RICTOR: variants seen among roughly 807,000 people sequenced by gnomAD.
RICTOR encodes the protein rapamycin-insensitive companion of mTOR.
In RICTOR, 49 loss-of-function variants were observed where a neutral mutation model predicts 214.9. The ratio of observed to expected loss-of-function variants is 0.23; its 90% confidence interval spans 0.18 to 0.29. The LOEUF is 0.29. Among genes scored for constraint, RICTOR ranks in the 10% least tolerant of loss-of-function variants. RICTOR has a pLI of 1.00. For missense variants in RICTOR, 1,625 were observed against 2,047.0 expected (o/e 0.79, Z 3.98); for synonymous variants, 717 against 711.3 (o/e 1.01, Z -0.13).
intron 2 of RICTOR, among the ~76,000 whole-genome samples, chr5:39,063,145 G>A (rs534123471): frequency 1.8e-4 from 27 of 152,188 alleles, no homozygotes; most frequent in Admixed American, 9.2e-4. Context: ...CAAGACATAT[G>A]CACTACAAAA....
chr5:39,026,444 A>C (rs561308967), intron 2 of RICTOR, among the ~76,000 whole-genome samples: 210 of 152,296 alleles, frequency 1.4e-3, no homozygotes, highest in Non-Finnish European at 2.2e-3. Flanking sequence ...ATACAAAAGA[A>C]CTACTAGAAT....
chr5:39,067,373 A>T (rs1358565366), intron 2 of RICTOR, among the ~76,000 whole-genome samples: 2 of 152,126 alleles, frequency 1.3e-5, no homozygotes, highest in Non-Finnish European at 2.9e-5. Context: ...GCCATCAGGG[A>T]TCCATTCCCA....
intron 35 of RICTOR, 100 bp from the exon 36 acceptor site, chr5:38,944,669 A>T: frequency 9.3e-7 from 1 of 1,076,442 alleles, no homozygotes; most frequent in Non-Finnish European, 1.3e-6. Context: ...AGACCTAGAG[A>T]TCAATTACAC....
Position 38,945,567 on chromosome 5 carries a change from G to T in RICTOR, c.4557C>A (p.Asn1519Lys), listed in dbSNP as rs1378393303. The T allele has an allele frequency of 1.2e-6, 2 of 1,613,918 alleles. No homozygotes were observed. The highest frequency in any genetic ancestry group is 1.7e-6 in the Non-Finnish European group (2 of 1,179,924). Residue 1519 changes from asparagine (N) to lysine (K), a missense_variant, in exon 34 of 38, where the codon AAC (asparagine) becomes AAA (lysine). Coordinates refer to ENST00000357387, the MANE Select transcript of RICTOR (RefSeq NM_152756.5). Reference sequence around the variant, plus strand: ...TTTCAATACAGACACAATAAAGGCAGTTATCATCTGTATGTTCCTGTAGTC... The same window carrying T: ...TTTCAATACAGACACAATAAAGGCATTTATCATCTGTATGTTCCTGTAGTC... The part of the protein sequence containing the change: ...DTGLQEHTDD[N>K]CLYCVCIEIL...
At position 39,040,794 on chromosome 5, in the gene RICTOR, T is replaced by C. The variant is rs1395620088; in HGVS notation, c.98-19658A>G. ...GCAGTATTTCAATTTCTATGTTTTA[T>C]TCAGTTATAAATTTCAATGCTCCTC... On this transcript the variant is annotated intron_variant, in intron 2 of 37. Coordinates refer to ENST00000357387, the MANE Select transcript of RICTOR (RefSeq NM_152756.5). Among the ~76,000 whole-genome samples, 4 of 152,302 alleles carry C rather than the reference T, an allele frequency of 2.6e-5. No homozygotes were observed. The East Asian group carries it at 5.8e-4, about 22-fold the overall frequency.
At chr5:39,022,437 C>G (rs1005324281) in intron 2 of RICTOR, 3 of 156,808 alleles carry the variant, frequency 1.9e-5, no homozygotes, top group Non-Finnish European at 4.3e-5. Flanking sequence ...CCAGGTGCTG[C>G]CAGCGGTGTT....
Position 38,959,300 on chromosome 5 carries a change from C to A in RICTOR, c.2073G>T (p.Leu691Phe). The A allele has an allele frequency of 6.4e-7, 1 of 1,562,704 alleles. No homozygotes were observed. The highest frequency in any genetic ancestry group is 1.2e-5 in the South Asian group (1 of 83,580). Residue 691 changes from leucine to phenylalanine, a missense_variant, in exon 22 of 38, where the codon TTG becomes TTT. Physicochemically the swap from Leu to Phe is conservative, Grantham distance 22. This residue lies in a region of RICTOR where 1,214 missense variants were observed against 1,470.5 expected (regional missense o/e 0.83). Coordinates refer to ENST00000357387, the MANE Select transcript of RICTOR (RefSeq NM_152756.5). The part of the protein sequence containing the change: ...VFQCLLNLCS[L>F]KNQDHLLKLT... ...GTTTTAGCAAGTGATCTTGGTTTTT[C>A]AAGGAGCAAAGATTAAGGAGACTTA...
intron 6 of RICTOR, among the ~76,000 whole-genome samples, chr5:38,991,537 AATTAATTG>A (rs1355190801): frequency 1.9e-4 from 3 of 15,824 alleles, no homozygotes; most frequent in Non-Finnish European, 6.7e-4. Context: ...CTCCTCATGA[AATTAATTG>A]ATTAACTTGG....
intron 2 of RICTOR, among the ~76,000 whole-genome samples, chr5:39,021,856 T>C (rs1311167805): frequency 1.3e-5 from 2 of 152,206 alleles, no homozygotes; most frequent in East Asian, 1.9e-4. Context: ...AGCTGTTTGA[T>C]AGCATGGCTA....
chr5:39,067,623 C>G (rs139958510), intron 2 of RICTOR, among the ~76,000 whole-genome samples: 41 of 152,252 alleles, frequency 2.7e-4, no homozygotes, highest in African/African-American at 9.4e-4. Flanking sequence ...TCCCTTTTCT[C>G]AACATCTTAC....
At chr5:39,061,346 T>C (rs918820554) in intron 2 of RICTOR, among the ~76,000 whole-genome samples, 3 of 152,090 alleles carry the variant, frequency 2.0e-5, no homozygotes, top group East Asian at 3.8e-4. Context: ...TCAACAAACA[T>C]AGCTGCTCAA....
chr5:38,953,567 A>AG lies in RICTOR; in HGVS notation c.2698-15_2698-14insC. On this transcript the variant is annotated splice_polypyrimidine_tract_variant and intron_variant, in intron 27 of 37. Transcript: ENST00000357387. Reference sequence around the variant, plus strand: ...TGTAATAATATTCTGGAGAAAGAAAAAAAAATACCATGAGTAATAATATAT... The same window carrying AG: ...TGTAATAATATTCTGGAGAAAGAAAAGAAAAATACCATGAGTAATAATATAT... The AG allele has an allele frequency of 2.3e-6, 2 of 887,462 alleles. No individual in the cohort carries two copies. The highest frequency in any genetic ancestry group is 3.3e-6 in the Non-Finnish European group (2 of 600,310). 55.0% of individuals were successfully genotyped at this position (887,462 alleles called of 1,614,324 possible).
At chr5:38,946,238 T>C (rs1748174395) in intron 33 of RICTOR, among the ~76,000 whole-genome samples, 1 of 152,240 alleles carries the variant, frequency 6.6e-6, no homozygotes, top group African/African-American at 2.4e-5. Flanking sequence ...ATTTGGTTTC[T>C]ATTTCCTTGA....
At chr5:39,051,762 A>G (rs1345289756) in intron 2 of RICTOR, among the ~76,000 whole-genome samples, 4 of 151,654 alleles carry the variant, frequency 2.6e-5, no homozygotes, top group Non-Finnish European at 5.9e-5. Context: ...CAAAAAAAAA[A>G]GAATGTGATT....
chr5:39,002,759 C>T, intron 4 of RICTOR, 93 bp from the exon 5 acceptor site: 3 of 1,270,956 alleles, frequency 2.4e-6, no homozygotes, highest in South Asian at 3.0e-5. Context: ...CCAAAATATG[C>T]AAAAATTCTA....
At chr5:39,004,837 A>C (rs1392542195) in intron 3 of RICTOR, among the ~76,000 whole-genome samples, 3 of 140,188 alleles carry the variant, frequency 2.1e-5, no homozygotes, top group Non-Finnish European at 3.0e-5. Flanking sequence ...ACTGGAGCGC[A>C]ATGGTGCAAT....
intron 31 of RICTOR, among the ~76,000 whole-genome samples, chr5:38,948,186 G>A (rs1196487316): frequency 6.6e-6 from 1 of 152,046 alleles, no homozygotes; most frequent in Non-Finnish European, 1.5e-5. Context: ...ACTATGCAAG[G>A]TTCCACATTT....
At chr5:38,947,798 C>T (rs761308343) in intron 31 of RICTOR, among the ~76,000 whole-genome samples, 13 of 152,028 alleles carry the variant, frequency 8.6e-5, no homozygotes, top group Non-Finnish European at 1.5e-4. Context: ...CTTGAGACTA[C>T]TAGATTTGGC....
intron 10 of RICTOR, among the ~76,000 whole-genome samples, chr5:38,973,635 T>C (rs1750967148): frequency 6.6e-6 from 1 of 152,238 alleles, no homozygotes; most frequent in Non-Finnish European, 1.5e-5. Context: ...CTATGTTCTC[T>C]TTAGATTCAG....
Sources: allele counts gnomAD v4.1 joint callset (sites outside exome capture counted in the v4.1 genomes callset), GRCh38; gene constraint gnomAD v4.1.1; regional missense constraint gnomAD v4.1.1; transcripts MANE v1.5; gene names NCBI Gene and HGNC (gene_info 2026-07-23, HGNC 2026-07-21).